EEPD1: variants seen among roughly 807,000 people sequenced by gnomAD.
The protein encoded by EEPD1 is endonuclease/exonuclease/phosphatase family domain containing 1, also known as endonuclease/exonuclease/phosphatase family domain-containing protein 1.
In EEPD1, 17 loss-of-function variants were observed where a neutral mutation model predicts 46.3. The observed-to-expected ratio is 0.37, with a 90% CI of 0.25 to 0.55. EEPD1 has a LOEUF of 0.55. EEPD1 is among the 20% of genes least tolerant of loss of function. The pLI, the probability that EEPD1 is intolerant of heterozygous loss-of-function variation, is 0.83. For synonymous variants in EEPD1, 313 were observed against 315.6 expected, an observed-to-expected ratio of 0.99 and a Z score of 0.09; for missense variants, 673 against 745.6, an observed-to-expected ratio of 0.90 and a Z score of 1.13.
At chr7:36,207,984 C>T (rs1015958185) in intron 2 of EEPD1, among the ~76,000 whole-genome samples, 3 of 150,382 alleles carry the variant, frequency 2.0e-5, no homozygotes, top group Non-Finnish European at 2.9e-5. Context: ...AGAACAGAGA[C>T]AGTGCCAGTC....
chr7:36,267,322 G>A (rs963587676), intron 3 of EEPD1, among the ~76,000 whole-genome samples: 1 of 152,086 alleles, frequency 6.6e-6, no homozygotes, highest in Non-Finnish European at 1.5e-5. Context: ...GGGTATGGGG[G>A]CCCCTGCATG....
chr7:36,287,518 G>C (rs1328285700), intron 5 of EEPD1, 121 bp from the exon 6 acceptor site: 26 of 1,436,606 alleles, frequency 1.8e-5, no homozygotes, highest in Non-Finnish European at 2.4e-5. Flanking sequence ...GTGTGAGCCA[G>C]CCTTGTTCTT....
At position 36,153,520 on chromosome 7, in the gene EEPD1, C is replaced by G. The variant is rs564571510; in HGVS notation, c.-347C>G. 6.6e-5 allele frequency: 10 copies of G among 152,426 alleles called. No individual in the cohort carries two copies. The highest frequency in any genetic ancestry group is 4.6e-4 in the Admixed American group (7 of 15,312). The allele number at this position is 152,426 out of a possible 1,614,324, so 9.4% of individuals were successfully genotyped here. A position where few individuals can be genotyped will look rare whatever the true frequency, so the allele number is the denominator to read the frequency against. ...ATAGAAAGAGCCGGGACACGCAGAC[C>G]GAAGCGGCGTAGTCGGCTTCCAGGG... On this transcript the variant is annotated 5_prime_UTR_variant, in exon 1 of 8. Coordinates refer to ENST00000242108, the MANE Select transcript of EEPD1 (RefSeq NM_030636.3).
At chr7:36,159,384 T>A (rs1784870150) in intron 2 of EEPD1, among the ~76,000 whole-genome samples, 2 of 152,228 alleles carry the variant, frequency 1.3e-5, no homozygotes, top group African/African-American at 4.8e-5. Flanking sequence ...GGTGGGTGGA[T>A]GCAGCCAGAC....
intron 2 of EEPD1, among the ~76,000 whole-genome samples, chr7:36,204,650 C>T (rs1465132830): frequency 6.6e-6 from 1 of 152,170 alleles, no homozygotes; most frequent in Non-Finnish European, 1.5e-5. Context: ...AGAGTGAAGC[C>T]TGCAGGTACC....
intron 2 of EEPD1, among the ~76,000 whole-genome samples, chr7:36,177,414 T>C (rs1057004328): frequency 1.2e-4 from 18 of 152,152 alleles, no homozygotes; most frequent in Non-Finnish European, 2.5e-4. Context: ...TTCAACCCTT[T>C]CCCCACTCCC....
chr7:36,199,222 A>G (rs1157436416), intron 2 of EEPD1, among the ~76,000 whole-genome samples: 4 of 152,108 alleles, frequency 2.6e-5, no homozygotes, highest in African/African-American at 9.7e-5. Context: ...CTATTTATCA[A>G]GGTGGCCCTC....
intron 2 of EEPD1, among the ~76,000 whole-genome samples, chr7:36,165,194 G>A (rs901711982): frequency 7.2e-5 from 11 of 152,110 alleles, no homozygotes; most frequent in African/African-American, 2.7e-4. Context: ...TTCATGGCAA[G>A]TGCCCTACAC....
chr7:36,207,474 C>G (rs1489920612), intron 2 of EEPD1, among the ~76,000 whole-genome samples: 1 of 152,174 alleles, frequency 6.6e-6, no homozygotes, highest in Middle Eastern at 3.2e-3. Context: ...GTTAGGCCAC[C>G]TACTTGAAAT....
intron 4 of EEPD1, 67 bp from the exon 5 acceptor site, chr7:36,284,615 CCTCT>C: frequency 1.3e-6 from 2 of 1,553,076 alleles, no homozygotes; most frequent in Non-Finnish European, 1.7e-6. Flanking sequence ...GTCTCTCTGG[CCTCT>C]CTGCCTCCTT....
At chr7:36,179,187 A>C (rs1785232395) in intron 2 of EEPD1, among the ~76,000 whole-genome samples, 1 of 152,214 alleles carries the variant, frequency 6.6e-6, no homozygotes, top group East Asian at 1.9e-4. Context: ...TACTACCCCC[A>C]GTGGTAACCA....
intron 6 of EEPD1, 123 bp downstream of exon 6, chr7:36,287,900 G>A: frequency 7.2e-7 from 1 of 1,392,574 alleles, no homozygotes; most frequent in Non-Finnish European, 9.8e-7. Context: ...GCGGGTACAG[G>A]GGACAGTCAA....
intron 2 of EEPD1, among the ~76,000 whole-genome samples, chr7:36,213,439 G>A (rs1204513437): frequency 3.3e-5 from 5 of 152,230 alleles, no homozygotes; most frequent in African/African-American, 1.2e-4. Context: ...ACTGTAGTTA[G>A]AGGCCCAACA....
chr7:36,258,901 A>AC (rs1405602054), intron 3 of EEPD1, among the ~76,000 whole-genome samples: 1 of 151,532 alleles, frequency 6.6e-6, no homozygotes, highest in Non-Finnish European at 1.5e-5. Flanking sequence ...AAAAAAAAAA[A>AC]AAACTGCAGC....
chr7:36,284,417 C>T (rs369493057), intron 4 of EEPD1, among the ~76,000 whole-genome samples: 76 of 152,262 alleles, frequency 5.0e-4, no homozygotes, highest in Admixed American at 6.5e-4. Flanking sequence ...TGTGCCTAGC[C>T]GGGGCTTCAC....
intron 3 of EEPD1, among the ~76,000 whole-genome samples, chr7:36,247,974 G>A (rs952015064): frequency 2.0e-5 from 3 of 152,108 alleles, no homozygotes; most frequent in Admixed American, 6.6e-5. Flanking sequence ...GATAGAGGAC[G>A]CAGAAGGAGG....
chr7:36,163,606 G>A lies in EEPD1; in HGVS notation c.878+8404G>A, dbSNP rs890049683. Among the ~76,000 whole-genome samples the A allele has an allele frequency of 5.3e-5, 8 of 152,148 alleles. No individual in the cohort carries two copies. The South Asian group carries it at 1.2e-3, about 24-fold the overall frequency. On this transcript the variant is annotated intron_variant, in intron 2 of 7. Transcript: ENST00000242108. ...AAAAGCTCTTCTGTTCAGGCTGGGC[G>A]CGGTGGCTCATGCCTGTAATCCCAG... is the stretch of plus-strand genomic sequence containing the variant.
At chr7:36,298,679 T>TGGG (rs1198224726) in intron 7 of EEPD1, among the ~76,000 whole-genome samples, 1 of 152,188 alleles carries the variant, frequency 6.6e-6, no homozygotes, top group Admixed American at 6.5e-5. Context: ...GAGGCGTCTG[T>TGGG]CTCTGTTTTG....
At chr7:36,265,278 G>A (rs196570) in intron 3 of EEPD1, among the ~76,000 whole-genome samples, 18,587 of 151,666 alleles carry the variant, frequency 0.12, 1,517 homozygotes, top group Non-Finnish European at 0.18. Context: ...CCTAGAGCCC[G>A]CCTGAGAGTG....
Sources: allele counts gnomAD v4.1 joint callset (sites outside exome capture counted in the v4.1 genomes callset), GRCh38; gene constraint gnomAD v4.1.1; transcripts MANE v1.5; gene names NCBI Gene and HGNC (gene_info 2026-07-23, HGNC 2026-07-21).